Variants in DST observed in about 807,000 individuals in gnomAD.
DST encodes bullous pemphigoid antigen.
DST carries 253 observed loss-of-function variants against 875.2 expected under a neutral mutation model. That is an observed-to-expected ratio of 0.29 (90% CI 0.26 to 0.32). The LOEUF is 0.32. Among genes scored for constraint, DST ranks in the 10% least tolerant of loss-of-function variants. The pLI is 1.00. For missense variants in DST, 8,287 were observed against 9,111.6 expected, an observed-to-expected ratio of 0.91 and a Z score of 3.68; for synonymous variants, 3,124 against 3,197.1, an observed-to-expected ratio of 0.98 and a Z score of 0.77.
At chr6:56,813,588 T>C (rs1226558146) in intron 4 of DST, among the ~76,000 whole-genome samples, 1 of 152,114 alleles carries the variant, frequency 6.6e-6, no homozygotes, top group Non-Finnish European at 1.5e-5. Flanking sequence ...CACGTATAAA[T>C]AATAAAACTA....
chr6:56,935,631 A>G (rs547572853), intron 2 of DST, among the ~76,000 whole-genome samples: 21 of 152,350 alleles, frequency 1.4e-4, no homozygotes, highest in African/African-American at 5.1e-4. Flanking sequence ...CAGAAAATAT[A>G]AAGAATAATG....
chr6:56,559,596 A>G (rs1230287865), intron 58 of DST, among the ~76,000 whole-genome samples: 1 of 152,156 alleles, frequency 6.6e-6, no homozygotes, highest in African/African-American at 2.4e-5. Flanking sequence ...CCATATACAC[A>G]TTAACTTATT....
intron 4 of DST, among the ~76,000 whole-genome samples, chr6:56,837,879 A>G (rs1183903157): frequency 1.3e-5 from 2 of 150,772 alleles, no homozygotes; most frequent in African/African-American, 4.9e-5. Context: ...AGATGAAGCA[A>G]GTCAGAAAAC....
At chr6:56,767,654 T>A (rs201166419) in intron 4 of DST, among the ~76,000 whole-genome samples, 7 of 119,148 alleles carry the variant, frequency 5.9e-5, no homozygotes, top group East Asian at 2.5e-4. Flanking sequence ...AATAAATAAA[T>A]AAAACAAATA....
Position 56,798,574 on chromosome 6 carries a change from T to C in DST, c.625+52823A>G, listed in dbSNP as rs192312511. On this transcript the variant is annotated intron_variant, in intron 4 of 103. Coordinates refer to ENST00000680361, the MANE Select transcript of DST (RefSeq NM_001374736.1). Reference sequence around the variant, plus strand: ...GCTCTGATGGAGAGGTACAAGCAAATCAATGTTTTTTTCATTCCTAATAGC... The same window carrying C: ...GCTCTGATGGAGAGGTACAAGCAAACCAATGTTTTTTTCATTCCTAATAGC... Among the ~76,000 whole-genome samples the C allele has an allele frequency of 1.8e-3, 279 of 152,268 alleles. 1 individual carries two copies. The highest frequency in any genetic ancestry group is 3.0e-3 in the Non-Finnish European group (204 of 68,024).
intron 2 of DST, among the ~76,000 whole-genome samples, chr6:56,952,005 T>C (rs1480931460): frequency 1.3e-5 from 2 of 152,144 alleles, no homozygotes; most frequent in African/African-American, 4.8e-5. Context: ...TAAATATTTA[T>C]TAATAACCCA....
At chr6:56,940,559 T>G (rs1475189609) in intron 2 of DST, among the ~76,000 whole-genome samples, 1 of 151,974 alleles carries the variant, frequency 6.6e-6, no homozygotes, top group African/African-American at 2.4e-5. Flanking sequence ...GTACAGTATA[T>G]TCTCTTATCC....
intron 49 of DST, among the ~76,000 whole-genome samples, chr6:56,588,668 A>T (rs1022805747): frequency 1.3e-5 from 2 of 152,238 alleles, no homozygotes; most frequent in Non-Finnish European, 2.9e-5. Flanking sequence ...AGACCTAAAA[A>T]GGTTTTCTTC....
chr6:56,564,685 T>G (rs2097621681), intron 55 of DST, among the ~76,000 whole-genome samples: 1 of 152,232 alleles, frequency 6.6e-6, no homozygotes, highest in Admixed American at 6.5e-5. Context: ...TTTTGCCCAT[T>G]CACTATGATA....
chr6:56,718,361 G>C (rs1443609180), intron 5 of DST, among the ~76,000 whole-genome samples: 1 of 152,090 alleles, frequency 6.6e-6, no homozygotes, highest in African/African-American at 2.4e-5. Context: ...ATTAAAATGA[G>C]CTAACACTTC....
intron 49 of DST, among the ~76,000 whole-genome samples, chr6:56,586,825 C>T (rs1032188071): frequency 1.8e-4 from 28 of 152,214 alleles, no homozygotes; most frequent in Middle Eastern, 3.2e-3. Context: ...CTCTAGCAAA[C>T]TCCAACAGAC....
At chr6:56,789,426 GCTTA>G (rs1223530404) in intron 4 of DST, among the ~76,000 whole-genome samples, 2 of 151,980 alleles carry the variant, frequency 1.3e-5, no homozygotes, top group Non-Finnish European at 2.9e-5. Flanking sequence ...AAAATGCTGT[GCTTA>G]CTTTTTTTAA....
chr6:56,877,980 G>A (rs980807924), intron 3 of DST, among the ~76,000 whole-genome samples: 1 of 152,134 alleles, frequency 6.6e-6, no homozygotes, highest in South Asian at 2.1e-4. Context: ...CCAGTGTGAT[G>A]TGAACTGAAG....
chr6:56,785,065 C>A (rs1008820357), intron 4 of DST, among the ~76,000 whole-genome samples: 1 of 152,224 alleles, frequency 6.6e-6, no homozygotes, highest in Non-Finnish European at 1.5e-5. Context: ...GCGAATGCTG[C>A]TGTCTGATCG....
intron 4 of DST, among the ~76,000 whole-genome samples, chr6:56,841,151 A>G (rs749550187): frequency 1.3e-5 from 2 of 152,212 alleles, no homozygotes; most frequent in Non-Finnish European, 2.9e-5. Flanking sequence ...CACCAGGATA[A>G]TAAGCAGTGT....
intron 3 of DST, among the ~76,000 whole-genome samples, chr6:56,872,607 G>A (rs1171014773): frequency 6.6e-6 from 1 of 152,146 alleles, no homozygotes. Flanking sequence ...AGGGAAACAA[G>A]AGAATGATGA....
chr6:56,463,199 A>G (rs753955150), intron 101 of DST, 43 bp from the exon 102 acceptor site: 1 of 1,156,828 alleles, frequency 8.6e-7, no homozygotes, highest in Admixed American at 1.8e-5. Flanking sequence ...GATAGCAGAT[A>G]AAAAAAACAA....
At chr6:56,613,836 T>C (rs1226000138) in intron 37 of DST, among the ~76,000 whole-genome samples, 1 of 152,170 alleles carries the variant, frequency 6.6e-6, no homozygotes, top group Non-Finnish European at 1.5e-5. Flanking sequence ...GTATCTAGAA[T>C]TTCCAGTGAT....
intron 80 of DST, among the ~76,000 whole-genome samples, chr6:56,500,734 C>G (rs566915807): frequency 6.6e-6 from 1 of 152,036 alleles, no homozygotes; most frequent in Admixed American, 6.6e-5. Flanking sequence ...CTATCCCTAA[C>G]AACTTTAAAA....
Sources: allele counts gnomAD v4.1 joint callset (sites outside exome capture counted in the v4.1 genomes callset), GRCh38; gene constraint gnomAD v4.1.1; transcripts MANE v1.5; gene names NCBI Gene and HGNC (gene_info 2026-07-23, HGNC 2026-07-21).